The following KCNH5 variants were observed in gnomAD, a reference collection of about 807,000 sequenced individuals.
KCNH5 encodes the protein voltage-gated delayed rectifier potassium channel KCNH5.
A neutral mutation model predicts 96.1 loss-of-function variants in KCNH5; 46 were observed. That is an observed-to-expected ratio of 0.48 (90% CI 0.38 to 0.61). The LOEUF (loss-of-function observed/expected upper bound fraction) is 0.61. Among genes scored for constraint, KCNH5 ranks in the 20% least tolerant of loss-of-function variants. The probability of loss-of-function intolerance (pLI) is 0.00; values close to 1 mark genes in which losing one functional copy is unlikely to be tolerated. For missense variants in KCNH5, 907 were observed against 1,225.8 expected, an observed-to-expected ratio of 0.74 and a Z score of 3.88; for synonymous variants, 439 against 449.8, an observed-to-expected ratio of 0.98 and a Z score of 0.30.
chr14:62,706,600 C>G lies in KCNH5; in HGVS notation c.*908G>C, dbSNP rs952753341. ...TTTTGTATGTTTCTTTGCTAACAAG[C>G]CTTTCAATGTCACTCTTGAACATGT... On this transcript the variant is annotated 3_prime_UTR_variant, in exon 11 of 11. Coordinates refer to ENST00000322893, the MANE Select transcript of KCNH5 (RefSeq NM_139318.5). 3 of 151,872 alleles carry G rather than the reference C, an allele frequency of 2.0e-5. No homozygotes were observed. Among genetic ancestry groups the G allele is most frequent in the Admixed American group, 6.6e-5 (1 of 15,254 alleles). The allele number at this position is 151,872 out of a possible 1,614,324, so 9.4% of individuals were successfully genotyped here. A position where few individuals can be genotyped will look rare whatever the true frequency, so the allele number is the denominator to read the frequency against.
At chr14:62,956,634 G>A (rs1044192315) in intron 6 of KCNH5, among the ~76,000 whole-genome samples, 3 of 151,264 alleles carry the variant, frequency 2.0e-5, no homozygotes, top group Non-Finnish European at 2.9e-5. Context: ...GTGGGGGCGG[G>A]GGGGGGCAGG....
chr14:62,808,818 C>T (rs1425689917), intron 8 of KCNH5, among the ~76,000 whole-genome samples: 2 of 152,062 alleles, frequency 1.3e-5, no homozygotes, highest in Non-Finnish European at 2.9e-5. Context: ...TGTGGCTGTC[C>T]TAAAACTTTT....
At chr14:62,716,469 C>A (rs1305152211) in intron 10 of KCNH5, among the ~76,000 whole-genome samples, 6 of 152,172 alleles carry the variant, frequency 3.9e-5, no homozygotes, top group Non-Finnish European at 5.9e-5. Flanking sequence ...TTCCTTCACT[C>A]CTCACTTGGC....
chr14:62,869,658 T>C (rs1046439091), intron 7 of KCNH5, among the ~76,000 whole-genome samples: 4 of 152,172 alleles, frequency 2.6e-5, no homozygotes, highest in African/African-American at 9.7e-5. Flanking sequence ...TTTTATTATT[T>C]TAGGTCTTGG....
At chr14:62,837,307 T>TG (rs1208458364) in intron 8 of KCNH5, among the ~76,000 whole-genome samples, 1 of 152,226 alleles carries the variant, frequency 6.6e-6, no homozygotes, top group African/African-American at 2.4e-5. Flanking sequence ...TTCCAGAGAC[T>TG]GGAACAATGT....
At chr14:62,936,934 T>C (rs1322199077) in intron 7 of KCNH5, among the ~76,000 whole-genome samples, 1 of 120,256 alleles carries the variant, frequency 8.3e-6, no homozygotes, top group African/African-American at 3.4e-5. Flanking sequence ...TGAGTGGAGA[T>C]CACACCATTG....
intron 9 of KCNH5, among the ~76,000 whole-genome samples, chr14:62,781,577 G>C (rs538685644): frequency 6.6e-6 from 1 of 152,312 alleles, no homozygotes; most frequent in African/African-American, 2.4e-5. Flanking sequence ...CCTACCGCCA[G>C]GTGCGCATTC....
chr14:62,949,916 C>A (rs940418335), intron 7 of KCNH5: 3 of 477,860 alleles, frequency 6.3e-6, no homozygotes, highest in South Asian at 2.2e-5. Context: ...GCTGGGTACA[C>A]ACATTAATAT....
intron 6 of KCNH5, among the ~76,000 whole-genome samples, chr14:62,956,249 A>G (rs907701279): frequency 3.3e-5 from 5 of 152,116 alleles, no homozygotes; most frequent in African/African-American, 1.2e-4. Context: ...AAGGAGCTAG[A>G]TACAAAAGAG....
chr14:63,014,812 G>A (rs1331315426), intron 2 of KCNH5, among the ~76,000 whole-genome samples: 1 of 152,108 alleles, frequency 6.6e-6, no homozygotes, highest in Non-Finnish European at 1.5e-5. Context: ...TGAGATCTGA[G>A]ATAAACCTGG....
intron 6 of KCNH5, among the ~76,000 whole-genome samples, chr14:62,976,276 G>A (rs1417685769): frequency 4.0e-5 from 6 of 151,640 alleles, no homozygotes; most frequent in Non-Finnish European, 5.9e-5. Flanking sequence ...TGGTGGCAGC[G>A]CCTGTAGTCC....
At chr14:62,895,564 C>G (rs558461740) in intron 7 of KCNH5, among the ~76,000 whole-genome samples, 1 of 152,076 alleles carries the variant, frequency 6.6e-6, no homozygotes, top group Non-Finnish European at 1.5e-5. Context: ...AACTCCTGAC[C>G]TCAGGTGATC....
At chr14:62,795,285 T>C (rs1439764924) in intron 9 of KCNH5, among the ~76,000 whole-genome samples, 1 of 152,084 alleles carries the variant, frequency 6.6e-6, no homozygotes, top group Non-Finnish European at 1.5e-5. Flanking sequence ...TGAAAACAGT[T>C]TGTTGGCAAA....
chr14:62,898,376 T>G (rs7155227), intron 7 of KCNH5, among the ~76,000 whole-genome samples: 73,028 of 151,952 alleles, frequency 0.48, 17,955 homozygotes, highest in South Asian at 0.67. Context: ...ATGTTAAGCA[T>G]ACACATTAAG....
chr14:62,933,577 A>G (rs1889621374), intron 7 of KCNH5, among the ~76,000 whole-genome samples: 1 of 152,152 alleles, frequency 6.6e-6, no homozygotes, highest in Non-Finnish European at 1.5e-5. Flanking sequence ...GGAAGTCAAC[A>G]GACAATGACT....
intron 10 of KCNH5, among the ~76,000 whole-genome samples, chr14:62,751,582 GCATGAATTTCTTATAATT>G (rs1034148139): frequency 1.3e-5 from 2 of 152,108 alleles, no homozygotes; most frequent in African/African-American, 4.8e-5. Context: ...TGTGCCCAAG[GCATGAATTTCTTATAATT>G]CATGCCCAAG....
chr14:62,757,569 A>G (rs1885650332), intron 10 of KCNH5, among the ~76,000 whole-genome samples: 1 of 152,122 alleles, frequency 6.6e-6, no homozygotes, highest in Admixed American at 6.6e-5. Flanking sequence ...GAATATAGAT[A>G]AAGAAAATGT....
chr14:62,980,852 A>C lies in KCNH5; in HGVS notation c.942+20T>G. ...AATATATGACCCACAGTACTCAGAA[A>C]ACCAAAACGAAAAACTTACCTCATC... On this transcript the variant is annotated intron_variant, in intron 6 of 10. Coordinates refer to ENST00000322893, the MANE Select transcript of KCNH5 (RefSeq NM_139318.5). 6.2e-7 allele frequency: 1 copy of C among 1,610,706 alleles called. No individual in the cohort carries two copies. The highest frequency in any genetic ancestry group is 8.5e-7 in the Non-Finnish European group (1 of 1,179,226).
chr14:63,003,608 T>TTATATTTATATATATATA (rs1341059390), intron 3 of KCNH5, among the ~76,000 whole-genome samples: 1 of 115,480 alleles, frequency 8.7e-6, no homozygotes, highest in African/African-American at 3.8e-5. Flanking sequence ...ATATTTATAT[T>TTATATTTATATATATATA]TATATATATA....
Sources: allele counts gnomAD v4.1 joint callset (sites outside exome capture counted in the v4.1 genomes callset), GRCh38; gene constraint gnomAD v4.1.1; transcripts MANE v1.5; gene names NCBI Gene and HGNC (gene_info 2026-07-23, HGNC 2026-07-21).